Variants in BPNT2 observed in about 807,000 individuals in gnomAD.
BPNT2 encodes 3'(2'), 5'-bisphosphate nucleotidase 2, also known as Golgi-resident adenosine 3',5'-bisphosphate 3'-phosphatase.
In BPNT2, 11 loss-of-function variants were observed where a neutral mutation model predicts 29.3. The ratio of observed to expected loss-of-function variants is 0.38; its 90% CI spans 0.24 to 0.62. The LOEUF is 0.62. Among genes scored for constraint, BPNT2 ranks in the 20% least tolerant of loss-of-function variants. The probability of loss-of-function intolerance (pLI) is 0.62; values close to 1 mark genes in which losing one functional copy is unlikely to be tolerated. For missense variants in BPNT2, 459 were observed against 473.4 expected (o/e 0.97, Z 0.28); for synonymous variants, 195 against 187.7 (o/e 1.04, Z -0.32).
At chr8:56,990,124 G>A (rs1051431406) in intron 1 of BPNT2, among the ~76,000 whole-genome samples, 8 of 152,188 alleles carry the variant, frequency 5.3e-5, no homozygotes, top group African/African-American at 1.9e-4. Flanking sequence ...TTGAAAGAGA[G>A]AAGCTTAACT....
chr8:56,969,362 C>G (rs10958514), intron 3 of BPNT2, among the ~76,000 whole-genome samples: 31,908 of 152,030 alleles, frequency 0.21, 3,736 homozygotes, highest in East Asian at 0.45. Flanking sequence ...TAATCTATTA[C>G]AGGACAAGCT....
At chr8:56,974,370 CTT>C (rs1489320102) in intron 3 of BPNT2, among the ~76,000 whole-genome samples, 2 of 145,996 alleles carry the variant, frequency 1.4e-5, no homozygotes, top group East Asian at 2.3e-4. Flanking sequence ...TCAAGTATCT[CTT>C]GATTCTAAGA....
chr8:56,973,340 G>T (rs1002560588), intron 3 of BPNT2, among the ~76,000 whole-genome samples: 1 of 152,116 alleles, frequency 6.6e-6, no homozygotes, highest in African/African-American at 2.4e-5. Context: ...GTACTCTATG[G>T]AAAGGACTGT....
Position 56,963,601 on chromosome 8 carries a change from GAC to G in BPNT2, c.*190_*191del, listed in dbSNP as rs1305188362. ...TCTCAAAAATAAAGACAATACTTGA[GAC>G]ACAAAGCAACCCATTTTCCCTGATT... On this transcript the variant is annotated 3_prime_UTR_variant, in exon 5 of 5. Coordinates refer to ENST00000262644, the MANE Select transcript of BPNT2 (RefSeq NM_017813.5). 12 of 601,258 alleles carry G rather than the reference GAC, an allele frequency of 2.0e-5. No homozygotes were observed. In the African/African-American group the frequency reaches 2.0e-4, roughly 10 times the overall value. 37.2% of individuals were successfully genotyped at this position (601,258 alleles called of 1,614,324 possible).
chr8:56,967,559 G>A (rs1805971611), intron 3 of BPNT2, among the ~76,000 whole-genome samples: 1 of 152,092 alleles, frequency 6.6e-6, no homozygotes, highest in South Asian at 2.1e-4. Flanking sequence ...ACAGCAGCCA[G>A]GATTTCTCCC....
intron 1 of BPNT2, among the ~76,000 whole-genome samples, chr8:56,984,415 A>G (rs1018787241): frequency 6.6e-6 from 1 of 152,212 alleles, no homozygotes; most frequent in Non-Finnish European, 1.5e-5. Flanking sequence ...AACACCAGAA[A>G]GTCTTCCTCA....
chr8:56,967,291 T>TG (rs1350392456), intron 3 of BPNT2: 1 of 455,506 alleles, frequency 2.2e-6, no homozygotes, highest in African/African-American at 2.0e-5. Flanking sequence ...GGCAGTCTCC[T>TG]GGACTCTTCT....
chr8:56,967,288 T>G (rs1805967965), intron 3 of BPNT2: 1 of 455,752 alleles, frequency 2.2e-6, no homozygotes, highest in Non-Finnish European at 4.4e-6. Context: ...GATGGCAGTC[T>G]CCTGGACTCT....
At chr8:56,992,700 C>T (rs1806437731) in intron 1 of BPNT2, among the ~76,000 whole-genome samples, 1 of 146,276 alleles carries the variant, frequency 6.8e-6, no homozygotes, top group Admixed American at 6.9e-5. Flanking sequence ...CCCCCCACCC[C>T]GACTCCCGCG....
At chr8:56,977,155 G>A (rs1806154663) in intron 3 of BPNT2, among the ~76,000 whole-genome samples, 1 of 152,150 alleles carries the variant, frequency 6.6e-6, no homozygotes, top group Non-Finnish European at 1.5e-5. Flanking sequence ...TCTGCAATGT[G>A]AAACACTTCT....
At chr8:56,983,699 A>G (rs1357923016) in intron 1 of BPNT2, among the ~76,000 whole-genome samples, 2 of 152,244 alleles carry the variant, frequency 1.3e-5, no homozygotes, top group Non-Finnish European at 2.9e-5. Context: ...AAAATCTAAA[A>G]GAGCTTGCAG....
chr8:56,969,246 C>A (rs755750715), intron 3 of BPNT2, among the ~76,000 whole-genome samples: 13 of 152,152 alleles, frequency 8.5e-5, no homozygotes, highest in Admixed American at 3.9e-4. Flanking sequence ...CAGAGTGAAC[C>A]AAAGACTGTA....
intron 3 of BPNT2, among the ~76,000 whole-genome samples, chr8:56,969,328 T>C (rs918576428): frequency 4.1e-4 from 62 of 152,220 alleles, no homozygotes; most frequent in African/African-American, 1.5e-3. Context: ...GGGAAGATCA[T>C]ACCATGAGTT....
At chr8:56,981,720 C>T (rs1175502425) in intron 1 of BPNT2, among the ~76,000 whole-genome samples, 1 of 152,074 alleles carries the variant, frequency 6.6e-6, no homozygotes, top group African/African-American at 2.4e-5. Context: ...ACTGCCTCAC[C>T]ATGAGACTTC....
At chr8:56,983,360 C>T (rs1384059646) in intron 1 of BPNT2, among the ~76,000 whole-genome samples, 4 of 152,006 alleles carry the variant, frequency 2.6e-5, no homozygotes, top group African/African-American at 4.8e-5. Flanking sequence ...GCATTCTAGC[C>T]CAATAAATAA....
chr8:56,963,839 G>T lies in BPNT2; in HGVS notation c.1034C>A (p.Ala345Asp), dbSNP rs770253673. 6.2e-7 allele frequency: 1 copy of T among 1,614,106 alleles called. No homozygotes were observed. Among genetic ancestry groups the T allele is most frequent in the South Asian group, 1.1e-5 (1 of 91,076 alleles). Residue 345 changes from alanine (A) to aspartate (D), a missense_variant, in exon 5 of 5, where the codon GCC (alanine) becomes GAC (aspartate). Coordinates refer to ENST00000262644, the MANE Select transcript of BPNT2 (RefSeq NM_017813.5). The stretch of plus-strand genomic sequence containing the variant: ...TAGATCTGGGAGTTTTCTGACCAGG[G>T]CCTGGTGGTTCATTCTGATGCTAGC... ...LLASIRMNHQ[A>D]LVRKLPDLEK...
intron 1 of BPNT2, among the ~76,000 whole-genome samples, chr8:56,980,854 A>AT (rs1806229470): frequency 1.4e-5 from 2 of 142,050 alleles, no homozygotes; most frequent in East Asian, 4.1e-4. Context: ...ACACACACAA[A>AT]CCCCCCTTAC....
At chr8:56,985,870 T>C (rs1248122875) in intron 1 of BPNT2, among the ~76,000 whole-genome samples, 3 of 152,196 alleles carry the variant, frequency 2.0e-5, no homozygotes, top group Non-Finnish European at 4.4e-5. Flanking sequence ...GACAAAAATG[T>C]AGATGTACAA....
chr8:56,975,126 T>TAC, intron 3 of BPNT2, among the ~76,000 whole-genome samples: 1 of 152,172 alleles, frequency 6.6e-6, no homozygotes, highest in African/African-American at 2.4e-5. Context: ...ACCTTTTGTC[T>TAC]CTCTTCTTTC....
Sources: allele counts gnomAD v4.1 joint callset (sites outside exome capture counted in the v4.1 genomes callset), GRCh38; gene constraint gnomAD v4.1.1; transcripts MANE v1.5; gene names NCBI Gene and HGNC (gene_info 2026-07-23, HGNC 2026-07-21).